The following ROBO1 variants were observed in gnomAD, a reference collection of about 807,000 sequenced individuals.
ROBO1 encodes the protein roundabout homolog 1.
Under a neutral mutation model 195.9 loss-of-function variants are expected in ROBO1, and 149 were observed. The ratio of observed to expected loss-of-function variants is 0.76; its 90% CI spans 0.67 to 0.87. The LOEUF is 0.87. Ranked by LOEUF, ROBO1 falls within the 40% of genes least tolerant of loss-of-function variation. ROBO1 has a pLI of 0.00. For missense variants in ROBO1, 1,933 were observed against 2,068.3 expected (o/e 0.93, Z 1.27); for synonymous variants, 816 against 733.2 (o/e 1.11, Z -1.82).
chr3:79,523,288 A>G (rs1165381086), intron 2 of ROBO1, among the ~76,000 whole-genome samples: 1 of 152,066 alleles, frequency 6.6e-6, no homozygotes, highest in Non-Finnish European at 1.5e-5. Context: ...TATGTGAGGT[A>G]ATGTATTTGT....
chr3:78,896,113 C>A (rs940309593), intron 4 of ROBO1, among the ~76,000 whole-genome samples: 1 of 152,152 alleles, frequency 6.6e-6, no homozygotes, highest in Non-Finnish European at 1.5e-5. Context: ...TCATAATACT[C>A]AAACAATTCT....
intron 2 of ROBO1, among the ~76,000 whole-genome samples, chr3:79,276,032 T>C (rs926275322): frequency 6.6e-6 from 1 of 151,836 alleles, no homozygotes; most frequent in Admixed American, 6.6e-5. Flanking sequence ...TGGATACTGT[T>C]AAATGTCCAT....
intron 4 of ROBO1, among the ~76,000 whole-genome samples, chr3:78,937,234 CTCTAAATCCCTT>C (rs2039862122): frequency 6.6e-6 from 1 of 151,862 alleles, no homozygotes; most frequent in South Asian, 2.1e-4. Flanking sequence ...AATAATCTGT[CTCTAAATCCCTT>C]TCTACATTTA....
intron 3 of ROBO1, chr3:79,019,299 C>T: frequency 1.0e-6 from 1 of 985,848 alleles, no homozygotes; most frequent in Non-Finnish European, 1.2e-6. Context: ...CTCGTGGAAG[C>T]TGTAAAGAGG....
intron 1 of ROBO1, among the ~76,000 whole-genome samples, chr3:79,657,846 ATAT>A (rs1476557443): frequency 3.3e-5 from 5 of 152,042 alleles, no homozygotes; most frequent in African/African-American, 9.7e-5. Context: ...TGAAGCTTAT[ATAT>A]TGAAACATTG....
At chr3:79,282,013 G>GT (rs1576918035) in intron 2 of ROBO1, among the ~76,000 whole-genome samples, 1 of 152,076 alleles carries the variant, frequency 6.6e-6, no homozygotes, top group Non-Finnish European at 1.5e-5. Context: ...AATTAGTGCT[G>GT]GAAATACACA....
At chr3:78,763,098 G>C (rs1163614579) in intron 4 of ROBO1, among the ~76,000 whole-genome samples, 2 of 152,102 alleles carry the variant, frequency 1.3e-5, no homozygotes, top group Non-Finnish European at 2.9e-5. Flanking sequence ...AGTAATGCTT[G>C]AAAGAAACAC....
chr3:79,647,295 T>G (rs1292968718), intron 1 of ROBO1, among the ~76,000 whole-genome samples: 1 of 152,110 alleles, frequency 6.6e-6, no homozygotes, highest in Non-Finnish European at 1.5e-5. Context: ...AAAGCTCTCA[T>G]GCTACAAAAA....
chr3:78,694,143 A>T (rs2081236856), intron 8 of ROBO1, among the ~76,000 whole-genome samples: 1 of 152,226 alleles, frequency 6.6e-6, no homozygotes, highest in African/African-American at 2.4e-5. Flanking sequence ...TTCAATGTTG[A>T]AACATTAGGC....
intron 3 of ROBO1, among the ~76,000 whole-genome samples, chr3:79,099,167 A>C (rs1192373504): frequency 6.6e-6 from 1 of 151,822 alleles, no homozygotes; most frequent in African/African-American, 2.4e-5. Context: ...GAAAGGAAAC[A>C]TACTTTTTCT....
At chr3:78,608,893 G>T (rs1703624950) in intron 28 of ROBO1, among the ~76,000 whole-genome samples, 1 of 152,116 alleles carries the variant, frequency 6.6e-6, no homozygotes, top group Non-Finnish European at 1.5e-5. Flanking sequence ...TGCAACAAAA[G>T]GGAGAGTTTG....
intron 2 of ROBO1, among the ~76,000 whole-genome samples, chr3:79,344,714 T>C (rs2035043292): frequency 6.6e-6 from 1 of 152,012 alleles, no homozygotes; most frequent in Non-Finnish European, 1.5e-5. Flanking sequence ...TATGCATATA[T>C]ATATATGGAG....
At chr3:78,717,156 T>C (rs2081921663) in intron 7 of ROBO1, 119 bp downstream of exon 7, 1 of 1,032,792 alleles carries the variant, frequency 9.7e-7, no homozygotes, top group Non-Finnish European at 1.4e-6. Flanking sequence ...GTATTGTATC[T>C]GGCCCCTGAT....
chr3:79,651,156 T>G (rs1262354033), intron 1 of ROBO1, among the ~76,000 whole-genome samples: 1 of 152,056 alleles, frequency 6.6e-6, no homozygotes, highest in Non-Finnish European at 1.5e-5. Context: ...ATATACATAA[T>G]GTAAATATGG....
intron 2 of ROBO1, among the ~76,000 whole-genome samples, chr3:79,427,665 A>C (rs973475199): frequency 6.6e-6 from 1 of 152,204 alleles, no homozygotes; most frequent in South Asian, 2.1e-4. Context: ...ATTTTTGACA[A>C]AGGTGCCAAG....
chr3:79,161,316 T>C (rs1268941027), intron 2 of ROBO1, among the ~76,000 whole-genome samples: 1 of 152,084 alleles, frequency 6.6e-6, no homozygotes, highest in African/African-American at 2.4e-5. Flanking sequence ...AAGAAATCCA[T>C]GGATTTGCTT....
intron 2 of ROBO1, among the ~76,000 whole-genome samples, chr3:79,358,219 C>A (rs1212677594): frequency 1.3e-5 from 2 of 151,986 alleles, no homozygotes; most frequent in Non-Finnish European, 2.9e-5. Flanking sequence ...AATTAAACAT[C>A]TTAGTAACTA....
chr3:79,373,339 T>C (rs1004085353), intron 2 of ROBO1, among the ~76,000 whole-genome samples: 3 of 152,174 alleles, frequency 2.0e-5, no homozygotes, highest in Non-Finnish European at 4.4e-5. Flanking sequence ...TGTCTACCCA[T>C]TATTCCTTCA....
At chr3:79,033,370 A>T (rs1345594006) in intron 3 of ROBO1, among the ~76,000 whole-genome samples, 1 of 152,130 alleles carries the variant, frequency 6.6e-6, no homozygotes, top group Non-Finnish European at 1.5e-5. Context: ...AGAGTTATTT[A>T]CCAATTAGAG....
Sources: allele counts gnomAD v4.1 joint callset (sites outside exome capture counted in the v4.1 genomes callset), GRCh38; gene constraint gnomAD v4.1.1; transcripts MANE v1.5; gene names NCBI Gene and HGNC (gene_info 2026-07-23, HGNC 2026-07-21).